The following ZRANB3 variants were observed in gnomAD, a reference collection of about 807,000 sequenced individuals.
ZRANB3 encodes the protein DNA annealing helicase and endonuclease ZRANB3.
ZRANB3 carries 125 observed loss-of-function variants against 133.8 expected under a neutral mutation model. The observed-to-expected ratio is 0.93, with a 90% CI of 0.81 to 1.08. The LOEUF (loss-of-function observed/expected upper bound fraction) is 1.08. Among genes scored for constraint, ZRANB3 ranks in the 50% least tolerant of loss-of-function variants. The pLI is 0.00. For missense variants in ZRANB3, 1,229 were observed against 1,275.5 expected (o/e 0.96, Z 0.56); for synonymous variants, 387 against 432.7 (o/e 0.89, Z 1.31).
chr2:135,481,300 T>C (rs1170381305), intron 2 of ZRANB3, among the ~76,000 whole-genome samples: 15 of 151,272 alleles, frequency 9.9e-5, no homozygotes, highest in South Asian at 2.1e-4. Flanking sequence ...TTTTAATGAT[T>C]GCCATTCTAA....
intron 2 of ZRANB3, among the ~76,000 whole-genome samples, chr2:135,494,104 AGGAGGGAG>A (rs1045745940): frequency 7.2e-6 from 1 of 139,036 alleles, no homozygotes; most frequent in African/African-American, 2.6e-5. Context: ...AGAAATAGAA[AGGAGGGAG>A]GGAGGGAGGA....
intron 2 of ZRANB3, among the ~76,000 whole-genome samples, chr2:135,503,388 C>G (rs1693034214): frequency 6.6e-6 from 1 of 152,170 alleles, no homozygotes; most frequent in Non-Finnish European, 1.5e-5. Context: ...GGTGTTGCCT[C>G]TACCAAGCAT....
At chr2:135,222,607 A>G (rs993741540) in intron 15 of ZRANB3, among the ~76,000 whole-genome samples, 3 of 152,094 alleles carry the variant, frequency 2.0e-5, no homozygotes. Flanking sequence ...ATGAAATGCT[A>G]TCTCAACAAA....
At chr2:135,524,329 G>A (rs764090974) in intron 1 of ZRANB3, among the ~76,000 whole-genome samples, 27 of 152,004 alleles carry the variant, frequency 1.8e-4, no homozygotes, top group Non-Finnish European at 1.9e-4. Context: ...TGATCCACCC[G>A]CCTCGGCCTC....
Position 135,332,040 on chromosome 2 carries a change from G to A in ZRANB3, c.677+13510C>T, listed in dbSNP as rs1573925526. Among the ~76,000 whole-genome samples the A allele has an allele frequency of 2.6e-5, 4 of 152,126 alleles. No individual in the cohort carries two copies. The South Asian group carries it at 8.3e-4, about 32-fold the overall frequency. On this transcript the variant is annotated intron_variant, in intron 6 of 20. Transcript: ENST00000264159. ...ACAAGGCATTCCTAAGAGAAAATTAGCAGATGATAGCATTCATTACATGTA... is the reference window on the plus strand; with the variant it reads ...ACAAGGCATTCCTAAGAGAAAATTAACAGATGATAGCATTCATTACATGTA...
At chr2:135,378,497 AAAAAAC>A (rs1379568954) in intron 3 of ZRANB3, among the ~76,000 whole-genome samples, 2 of 152,034 alleles carry the variant, frequency 1.3e-5, no homozygotes, top group African/African-American at 4.8e-5. Context: ...ATCTCAAAAA[AAAAAAC>A]AAAACAAAAA....
intron 2 of ZRANB3, among the ~76,000 whole-genome samples, chr2:135,414,359 G>T (rs1284234370): frequency 6.6e-6 from 1 of 152,054 alleles, no homozygotes. Context: ...GACAAAGAAG[G>T]CCATTACATG....
intron 2 of ZRANB3, among the ~76,000 whole-genome samples, chr2:135,431,761 T>C (rs535814083): frequency 7.7e-4 from 118 of 152,264 alleles, no homozygotes; most frequent in African/African-American, 2.6e-3. Context: ...TGAAATACCA[T>C]TATATACCTA....
intron 6 of ZRANB3, among the ~76,000 whole-genome samples, chr2:135,331,845 C>G (rs1247557510): frequency 1.3e-5 from 2 of 152,054 alleles, no homozygotes; most frequent in African/African-American, 4.8e-5. Context: ...GGTTTAAAGT[C>G]TGTTTTATCA....
At position 135,230,807 on chromosome 2, in the gene ZRANB3, AT is replaced by A; in HGVS notation, c.1659del (p.Ser554GlnfsTer25). 1 of 1,613,860 alleles carries A rather than the reference AT, an allele frequency of 6.2e-7. No homozygotes were observed. The highest frequency in any genetic ancestry group is 1.3e-5 in the African/African-American group (1 of 75,054). ...CTTGCAGCTGTTTTTGTAGGGTCTG[AT>A]GACACTACAGTATTTTCCTCCCGGA... ...KRFREENTVV[S>X]SDPTKTAARD... On this transcript the variant is annotated frameshift_variant, in exon 13 of 21. Coordinates refer to ENST00000264159, the MANE Select transcript of ZRANB3 (RefSeq NM_032143.4). LOFTEE classifies it high-confidence loss of function.
intron 2 of ZRANB3, among the ~76,000 whole-genome samples, chr2:135,409,440 T>C (rs1269900454): frequency 6.7e-6 from 1 of 149,672 alleles, no homozygotes; most frequent in Non-Finnish European, 1.5e-5. Context: ...CAACATCGCT[T>C]TATGATAAAA....
At chr2:135,448,724 G>T (rs1244126865) in intron 2 of ZRANB3, among the ~76,000 whole-genome samples, 1 of 152,180 alleles carries the variant, frequency 6.6e-6, no homozygotes, top group African/African-American at 2.4e-5. Context: ...CTGGCCACAG[G>T]TACTTCAGAT....
intron 1 of ZRANB3, among the ~76,000 whole-genome samples, chr2:135,513,114 T>C (rs1003492346): frequency 6.6e-6 from 1 of 152,136 alleles, no homozygotes; most frequent in African/African-American, 2.4e-5. Context: ...AAACCAAATA[T>C]AGCAGTAATT....
intron 8 of ZRANB3, among the ~76,000 whole-genome samples, chr2:135,286,398 C>A (rs568278667): frequency 3.9e-5 from 6 of 152,324 alleles, no homozygotes; most frequent in African/African-American, 1.2e-4. Flanking sequence ...CTTCCTCAAC[C>A]TCCCAGGTAT....
At chr2:135,304,972 A>G (rs1253615716) in intron 8 of ZRANB3, among the ~76,000 whole-genome samples, 2 of 151,752 alleles carry the variant, frequency 1.3e-5, no homozygotes, top group African/African-American at 4.8e-5. Flanking sequence ...AATCAGTTTC[A>G]AGTTTCTTTT....
chr2:135,200,306 T>C lies in ZRANB3; in HGVS notation c.*36A>G, dbSNP rs1693566338. 1 of 1,515,266 alleles carries C rather than the reference T, an allele frequency of 6.6e-7. No homozygotes were observed. Among genetic ancestry groups the C allele is most frequent in the African/African-American group, 1.4e-5 (1 of 72,992 alleles). The allele number at this position is 1,515,266 out of a possible 1,614,324, so 93.9% of individuals were successfully genotyped here. ...CTTCTGTATTAAAGTCTTCCACATGTAAACCATTTGTCATTCATTCATATA... is the reference window on the plus strand; with the variant it reads ...CTTCTGTATTAAAGTCTTCCACATGCAAACCATTTGTCATTCATTCATATA... On this transcript the variant is annotated 3_prime_UTR_variant, in exon 21 of 21. Transcript: ENST00000264159.
chr2:135,509,534 A>G (rs537295994), intron 1 of ZRANB3, among the ~76,000 whole-genome samples: 3 of 152,290 alleles, frequency 2.0e-5, no homozygotes, highest in African/African-American at 7.2e-5. Context: ...TTAAAAAATT[A>G]TTTTTCTTTA....
chr2:135,377,194 G>GT, intron 3 of ZRANB3, among the ~76,000 whole-genome samples: 1 of 152,192 alleles, frequency 6.6e-6, no homozygotes. Context: ...ATAGCAATGT[G>GT]TGTGTACAGC....
rs538739562 is a variant in ZRANB3 at position 135,262,697 on chromosome 2, CCT to C, written c.1539+2835_1539+2836del. ...TCAGCAGGCTGAGATGGGAGAATCT[CCT>C]GAGTCCAGGACTTTGAAGCTGCAGT... is the stretch of plus-strand genomic sequence containing the variant. On this transcript the variant is annotated intron_variant, in intron 12 of 20. Coordinates refer to ENST00000264159, the MANE Select transcript of ZRANB3 (RefSeq NM_032143.4). Among the ~76,000 whole-genome samples, 121 of 152,038 alleles carry C rather than the reference CCT, an allele frequency of 8.0e-4. 1 individual carries two copies. The highest frequency in any genetic ancestry group is 2.6e-3 in the African/African-American group (107 of 41,460).
Sources: gnomAD v4.1 joint callset for allele counts (sites outside exome capture counted in the v4.1 genomes callset) on GRCh38, gnomAD v4.1.1 for gene constraint, MANE v1.5 for transcripts, NCBI Gene and HGNC (gene_info 2026-07-23, HGNC 2026-07-21) for gene names.